The following CHD7 variants were observed in gnomAD, a reference collection of about 807,000 sequenced individuals.
CHD7 encodes the protein chromodomain helicase DNA binding protein 7, also known as ATP-dependent chromatin remodeler CHD7.
Under a neutral mutation model 307.3 loss-of-function variants are expected in CHD7, and 24 were observed. That is an observed-to-expected ratio of 0.08 (90% CI 0.06 to 0.11). The LOEUF (loss-of-function observed/expected upper bound fraction) is 0.11, where lower values mean the gene tolerates loss of function less well. CHD7 is among the 10% of genes least tolerant of loss of function. CHD7 has a pLI of 1.00. For synonymous variants in CHD7, 1,363 were observed against 1,349.9 expected (o/e 1.01, Z -0.21); for missense variants, 3,106 against 3,727.1 (o/e 0.83, Z 4.34).
At chr8:60,688,520 A>T (rs1181449207) in intron 1 of CHD7, among the ~76,000 whole-genome samples, 1 of 152,240 alleles carries the variant, frequency 6.6e-6, no homozygotes, top group South Asian at 2.1e-4. Context: ...AGGAGAAGAC[A>T]TTTGAAAATA....
chr8:60,808,356 T>G (rs950573916), intron 7 of CHD7, 84 bp downstream of exon 7: 1 of 853,740 alleles, frequency 1.2e-6, no homozygotes, highest in Non-Finnish European at 1.9e-6. Flanking sequence ...GTTGGGAAAT[T>G]AAGAAACTTT....
rs1277541101 is a variant in CHD7 at position 60,822,680 on chromosome 8, G to A, written c.3135G>A (p.Val1045=). The change falls in exon 12 of 38, where the codon GTG becomes GTA. Residue 1045 remains valine (V), a synonymous_variant. Coordinates refer to ENST00000423902, the MANE Select transcript of CHD7 (RefSeq NM_017780.4). ...FRTWTELNVV[V]YHGSQASRRT... ...CCTGGACAGAGTTGAACGTGGTTGT[G>A]TATCATGGGAGTCAAGCTAGTCGTC... 3 of 1,613,644 alleles carry A rather than the reference G, an allele frequency of 1.9e-6. No individual in the cohort carries two copies. The highest frequency in any genetic ancestry group is 4.5e-5 in the East Asian group (2 of 44,886).
intron 17 of CHD7, 141 bp from the exon 18 acceptor site, chr8:60,837,527 A>T: frequency 1.5e-6 from 1 of 669,732 alleles, no homozygotes; most frequent in African/African-American, 1.8e-5. Flanking sequence ...TGAGGACTCC[A>T]CCTTCATGAC....
At chr8:60,773,381 C>T (rs1185933119) in intron 2 of CHD7, among the ~76,000 whole-genome samples, 2 of 152,196 alleles carry the variant, frequency 1.3e-5, no homozygotes, top group Non-Finnish European at 2.9e-5. Context: ...AAGGCTGGCA[C>T]ATGTAAAAAC....
intron 2 of CHD7, among the ~76,000 whole-genome samples, chr8:60,775,975 G>A (rs1810933057): frequency 6.6e-6 from 1 of 152,126 alleles, no homozygotes; most frequent in South Asian, 2.1e-4. Flanking sequence ...GGCCAGGCTG[G>A]TCTCCAACTC....
chr8:60,774,975 C>T (rs529104977), intron 2 of CHD7, among the ~76,000 whole-genome samples: 1 of 152,148 alleles, frequency 6.6e-6, no homozygotes, highest in African/African-American at 2.4e-5. Context: ...GTAAATCTAA[C>T]ATGACTGCTT....
intron 2 of CHD7, among the ~76,000 whole-genome samples, chr8:60,769,562 A>G (rs1042024099): frequency 7.2e-5 from 11 of 152,236 alleles, no homozygotes; most frequent in Non-Finnish European, 7.3e-5. Context: ...TAGATCACAG[A>G]TTTGTTCAGG....
At chr8:60,732,641 C>A (rs993481432) in intron 1 of CHD7, among the ~76,000 whole-genome samples, 3 of 151,988 alleles carry the variant, frequency 2.0e-5, no homozygotes, top group African/African-American at 7.3e-5. Flanking sequence ...TAAAATCAGG[C>A]TAATAAACAT....
chr8:60,840,367 TC>T (rs1324958640), intron 19 of CHD7, among the ~76,000 whole-genome samples: 1 of 152,178 alleles, frequency 6.6e-6, no homozygotes, highest in East Asian at 1.9e-4. Flanking sequence ...CCCCTGTCTC[TC>T]CTCCTGCCCC....
intron 4 of CHD7, among the ~76,000 whole-genome samples, chr8:60,798,757 C>T (rs879887672): frequency 2.0e-5 from 3 of 152,198 alleles, no homozygotes; most frequent in Non-Finnish European, 4.4e-5. Flanking sequence ...TTTGCAAACT[C>T]ATTCCATAGG....
chr8:60,698,095 C>T (rs1214366624), intron 1 of CHD7, among the ~76,000 whole-genome samples: 1 of 152,214 alleles, frequency 6.6e-6, no homozygotes, highest in Non-Finnish European at 1.5e-5. Flanking sequence ...AAATGTACTG[C>T]TAACCACTTA....
intron 2 of CHD7, among the ~76,000 whole-genome samples, chr8:60,769,176 AG>A (rs1810602464): frequency 6.6e-6 from 1 of 152,236 alleles, no homozygotes; most frequent in Non-Finnish European, 1.5e-5. Context: ...ACTCTAACTA[AG>A]GCTGCTGAAT....
chr8:60,795,497 T>G (rs557322788), intron 4 of CHD7, among the ~76,000 whole-genome samples: 1 of 152,356 alleles, frequency 6.6e-6, no homozygotes, highest in South Asian at 2.1e-4. Context: ...ATTGTCACTT[T>G]TTTGAATTTT....
At position 60,687,562 on chromosome 8, in the gene CHD7, A is replaced by G. The variant is rs62524908; in HGVS notation, c.-175+8480A>G. Among the ~76,000 whole-genome samples, 708 of 152,372 alleles carry G rather than the reference A, an allele frequency of 4.6e-3. 5 individuals carry two copies. The highest frequency in any genetic ancestry group is 8.9e-3 in the Admixed American group (137 of 15,310). Reference sequence around the variant, plus strand: ...TCTTGAGAATTTCAAAATCTTGATTAACAGTGTACCCCACCCTGAAGTATA... The same window carrying G: ...TCTTGAGAATTTCAAAATCTTGATTGACAGTGTACCCCACCCTGAAGTATA... On this transcript the variant is annotated intron_variant, in intron 1 of 37. Coordinates refer to ENST00000423902, the MANE Select transcript of CHD7 (RefSeq NM_017780.4).
chr8:60,691,372 G>T (rs556242259), intron 1 of CHD7, among the ~76,000 whole-genome samples: 2 of 152,282 alleles, frequency 1.3e-5, no homozygotes, highest in South Asian at 2.1e-4. Flanking sequence ...AATACTAGGC[G>T]AGAGGTAAGA....
intron 3 of CHD7, among the ~76,000 whole-genome samples, chr8:60,786,074 A>G (rs1436380147): frequency 6.6e-6 from 1 of 152,192 alleles, no homozygotes; most frequent in Admixed American, 6.5e-5. Context: ...TCTCTGGTTC[A>G]TTAAATCCAA....
intron 1 of CHD7, among the ~76,000 whole-genome samples, chr8:60,726,643 G>C (rs1257848965): frequency 1.3e-5 from 2 of 152,198 alleles, no homozygotes; most frequent in African/African-American, 4.8e-5. Context: ...GTATGTATTT[G>C]ACAAATGAGA....
chr8:60,851,949 G>GT (rs1805472936), intron 28 of CHD7, 70 bp from the exon 29 acceptor site: 2 of 1,070,268 alleles, frequency 1.9e-6, no homozygotes, highest in Non-Finnish European at 2.7e-6. Flanking sequence ...GAGTCATCCT[G>GT]TTTTGTTGGA....
At chr8:60,698,789 TTTTTC>T (rs1448143108) in intron 1 of CHD7, among the ~76,000 whole-genome samples, 5 of 152,168 alleles carry the variant, frequency 3.3e-5, no homozygotes, top group Non-Finnish European at 7.3e-5. Flanking sequence ...TCTCTTTCTC[TTTTTC>T]TTTTCTTTTT....
Sources: gnomAD v4.1 joint callset for allele counts (sites outside exome capture counted in the v4.1 genomes callset) on GRCh38, gnomAD v4.1.1 for gene constraint, MANE v1.5 for transcripts, NCBI Gene and HGNC (gene_info 2026-07-23, HGNC 2026-07-21) for gene names.